ZNF562: variants seen among roughly 807,000 people sequenced by gnomAD.
The protein encoded by ZNF562 is zinc finger protein 562.
ZNF562 carries 13 observed loss-of-function variants against 17.5 expected under a neutral mutation model. That is an observed-to-expected ratio of 0.74 (90% confidence interval 0.48 to 1.18). The LOEUF (loss-of-function observed/expected upper bound fraction) is 1.18. ZNF562 is among the 50% of genes most tolerant of loss of function. The pLI is 0.00. For missense variants in ZNF562, 481 were observed against 498.5 expected, an observed-to-expected ratio of 0.96 and a Z score of 0.33; for synonymous variants, 163 against 165.4, an observed-to-expected ratio of 0.99 and a Z score of 0.11.
Position 9,653,608 on chromosome 19 carries a change from C to A in ZNF562, c.622G>T (p.Glu208Ter). Residue 208 changes from glutamate to a stop codon, truncating the protein, a stop_gained, in exon 6 of 6, where the codon GAA becomes TAA. Transcript: ENST00000453372. LOFTEE classifies it low-confidence loss of function (END_TRUNC). ...AAATACTTAAAGCCTTTTCCACATT[C>A]CTTACATTTGTAGGGTTGTCTTCCA... ...LNGRQPYKCK[E>*]CGKGFKYFAS... 1 of 1,614,122 alleles carries A rather than the reference C, an allele frequency of 6.2e-7. No individual in the cohort carries two copies. Among genetic ancestry groups the A allele is most frequent in the South Asian group, 1.1e-5 (1 of 91,086 alleles).
intron 1 of ZNF562, among the ~76,000 whole-genome samples, chr19:9,673,800 G>C (rs2044294654): frequency 6.6e-6 from 1 of 152,044 alleles, no homozygotes; most frequent in African/African-American, 2.4e-5. Flanking sequence ...GAGGTCAGGA[G>C]TTCGAGACCA....
At chr19:9,674,415 T>A (rs1215020504) in intron 1 of ZNF562, among the ~76,000 whole-genome samples, 3 of 151,460 alleles carry the variant, frequency 2.0e-5, no homozygotes, top group African/African-American at 7.3e-5. Flanking sequence ...AATTTAAAAC[T>A]CATATCTAAC....
rs535392427 is a variant in ZNF562 at position 9,650,051 on chromosome 19, T to A, written c.*2898A>T. ...TATGTGAATATCGGGGCTGGTTCCCTGACAGGACATAACCTCTTCAAAAAA... is the reference window on the plus strand; with the variant it reads ...TATGTGAATATCGGGGCTGGTTCCCAGACAGGACATAACCTCTTCAAAAAA... On this transcript the variant is annotated 3_prime_UTR_variant, in exon 6 of 6. Coordinates refer to ENST00000453372, the MANE Select transcript of ZNF562 (RefSeq NM_001130031.2). 6.6e-6 allele frequency: 1 copy of A among 152,250 alleles called. No homozygotes were observed. Among genetic ancestry groups the A allele is most frequent in the South Asian group, 2.1e-4 (1 of 4,824 alleles). The allele number at this position is 152,250 out of a possible 1,614,324, so 9.4% of individuals were successfully genotyped here.
At position 9,653,361 on chromosome 19, in the gene ZNF562, C is replaced by G; in HGVS notation, c.869G>C (p.Cys290Ser). The G allele has an allele frequency of 6.2e-7, 1 of 1,613,986 alleles. No individual in the cohort carries two copies. The highest frequency in any genetic ancestry group is 1.3e-5 in the African/African-American group (1 of 75,032). ...TCTAAAGGATCTTCCACATTCTTTA[C>G]ATTCAAAGGACTTCTCTCCTTTATG... ...KTHKGEKSFECKECGRSFRNS... is the reference protein window; with the variant it reads ...KTHKGEKSFESKECGRSFRNS... Residue 290 changes from cysteine (C) to serine (S), a missense_variant, in exon 6 of 6, where the codon TGT becomes TCT. By Grantham distance (112) the Cys-to-Ser change is moderately radical. This residue lies in a region of ZNF562 where 403 missense variants were observed against 386.4 expected (regional missense o/e 1.04). Transcript: ENST00000453372.
chr19:9,662,796 C>T (rs937202416), intron 1 of ZNF562, among the ~76,000 whole-genome samples: 4 of 151,578 alleles, frequency 2.6e-5, no homozygotes, highest in African/African-American at 7.3e-5. Flanking sequence ...AGGACAATGG[C>T]GTGAACTTGA....
At chr19:9,665,219 T>TA (rs1175383402) in intron 1 of ZNF562, among the ~76,000 whole-genome samples, 22,762 of 109,292 alleles carry the variant, frequency 0.21, 2,177 homozygotes, top group Admixed American at 0.31. Context: ...AGACTCTGTC[T>TA]AAAAAAAAAA....
chr19:9,671,784 A>G (rs2145053629), intron 1 of ZNF562, among the ~76,000 whole-genome samples: 1 of 152,388 alleles, frequency 6.6e-6, no homozygotes, highest in Non-Finnish European at 1.5e-5. Context: ...GGTATTGCAG[A>G]GTCAATCCAT....
chr19:9,641,987 GA>G lies in ZNF562; in HGVS notation c.*10961del. On this transcript the variant is annotated 3_prime_UTR_variant, in exon 6 of 6. Coordinates refer to ENST00000453372, the MANE Select transcript of ZNF562 (RefSeq NM_001130031.2). ...TACAAAGTACATTCTCAAGGGCGGG[GA>G]GGATGTTACAAAGTACATTCACAAG... 1 of 151,634 alleles carries G rather than the reference GA, an allele frequency of 6.6e-6. No homozygotes were observed. The highest frequency in any genetic ancestry group is 1.9e-4 in the East Asian group (1 of 5,158). The allele number at this position is 151,634 out of a possible 1,614,324, so 9.4% of individuals were successfully genotyped here.
chr19:9,670,670 G>A lies in ZNF562; in HGVS notation c.-131+4345C>T, dbSNP rs115101214. Among the ~76,000 whole-genome samples the A allele has an allele frequency of 3.8e-3, 583 of 152,190 alleles. 4 individuals carry two copies. Among genetic ancestry groups the A allele is most frequent in the African/African-American group, 0.013 (546 of 41,510 alleles). ...GATTGATGGTTACTAGAGGCCAGAA[G>A]GGTAGGAAGGAGACGGAGATAAAGA... On this transcript the variant is annotated intron_variant, in intron 1 of 5. Transcript: ENST00000453372.
chr19:9,656,871 A>AAAAAAATATAT (rs376933513), intron 4 of ZNF562, among the ~76,000 whole-genome samples: 407 of 142,440 alleles, frequency 2.9e-3, no homozygotes, highest in African/African-American at 8.2e-3. Flanking sequence ...AAAATACAAA[A>AAAAAAATATAT]ATATATATAT....
At chr19:9,669,313 A>C in intron 1 of ZNF562, among the ~76,000 whole-genome samples, 1 of 152,344 alleles carries the variant, frequency 6.6e-6, no homozygotes, top group South Asian at 2.1e-4. Context: ...GTTTCTCAAA[A>C]AAAAGACATA....
At chr19:9,661,970 C>T (rs766473475) in intron 1 of ZNF562, among the ~76,000 whole-genome samples, 5 of 152,070 alleles carry the variant, frequency 3.3e-5, no homozygotes, top group Non-Finnish European at 7.3e-5. Context: ...CCAGGTTGCC[C>T]AGGCTGGTCT....
At position 9,650,982 on chromosome 19, in the gene ZNF562, A is replaced by AAT; in HGVS notation, c.*1966_*1967insAT. ...AAAAAAAAAAAAAAAAAAAAAAAAA[A>AAT]TCCTGTGTTTTTAACCTCATTGATT... On this transcript the variant is annotated 3_prime_UTR_variant, in exon 6 of 6. Coordinates refer to ENST00000453372, the MANE Select transcript of ZNF562 (RefSeq NM_001130031.2). 2 of 146,146 alleles carry AAT rather than the reference A, an allele frequency of 1.4e-5. No individual in the cohort carries two copies. The highest frequency in any genetic ancestry group is 4.0e-4 in the East Asian group (2 of 5,054). 9.1% of individuals were successfully genotyped at this position (146,146 alleles called of 1,614,324 possible).
chr19:9,657,639 T>C (rs1271952251), intron 4 of ZNF562, among the ~76,000 whole-genome samples: 1 of 150,804 alleles, frequency 6.6e-6, no homozygotes, highest in Non-Finnish European at 1.5e-5. Flanking sequence ...CCCTGCCTCC[T>C]GGGTTCAAGC....
At chr19:9,657,551 C>CTTTT (rs112714600) in intron 4 of ZNF562, among the ~76,000 whole-genome samples, 1 of 142,350 alleles carries the variant, frequency 7.0e-6, no homozygotes, top group Non-Finnish European at 1.5e-5. Flanking sequence ...CTTTAAAAAT[C>CTTTT]TTTTTTTTTT....
At chr19:9,673,139 T>G (rs1354669518) in intron 1 of ZNF562, among the ~76,000 whole-genome samples, 1 of 152,042 alleles carries the variant, frequency 6.6e-6, no homozygotes, top group Non-Finnish European at 1.5e-5. Flanking sequence ...CCATCATGAC[T>G]CACACATCCC....
chr19:9,663,351 CAGTA>C (rs1475103278), intron 1 of ZNF562, among the ~76,000 whole-genome samples: 3 of 147,508 alleles, frequency 2.0e-5, no homozygotes, highest in Non-Finnish European at 3.0e-5. Context: ...GTGGAGCTTG[CAGTA>C]AGTGAGATTG....
intron 2 of ZNF562, among the ~76,000 whole-genome samples, chr19:9,660,229 C>T (rs1021179930): frequency 2.6e-5 from 4 of 151,862 alleles, no homozygotes; most frequent in African/African-American, 9.7e-5. Flanking sequence ...CACCACTGCA[C>T]TCCAGCCTGG....
Position 9,671,572 on chromosome 19 carries a change from T to C in ZNF562, c.-131+3443A>G, listed in dbSNP as rs1431862694. 2.6e-5 allele frequency among the ~76,000 whole-genome samples: 4 copies of C among 152,248 alleles called. No homozygotes were observed. The South Asian group carries it at 8.3e-4, about 31-fold the overall frequency. On this transcript the variant is annotated intron_variant, in intron 1 of 5. Coordinates refer to ENST00000453372, the MANE Select transcript of ZNF562 (RefSeq NM_001130031.2). The stretch of plus-strand genomic sequence containing the variant: ...GCAACACATACATTTGCATGTACTT[T>C]AACGCCCCACACAGTTACCTGTAAG...
Sources: gnomAD v4.1 joint callset for allele counts (sites outside exome capture counted in the v4.1 genomes callset) on GRCh38, gnomAD v4.1.1 for gene constraint, gnomAD v4.1.1 regional missense constraint, MANE v1.5 for transcripts, NCBI Gene and HGNC (gene_info 2026-07-23, HGNC 2026-07-21) for gene names.